DACH2: variants seen among roughly 807,000 people sequenced by gnomAD.
DACH2 encodes dachshund family transcription factor 2.
DACH2 carries 17 observed loss-of-function variants against 35.8 expected under a neutral mutation model. The ratio of observed to expected loss-of-function variants is 0.48; its 90% CI spans 0.33 to 0.71. The LOEUF (loss-of-function observed/expected upper bound fraction) is 0.71. Ranked by LOEUF, DACH2 falls within the 30% of genes least tolerant of loss-of-function variation. The pLI, the probability that DACH2 is intolerant of heterozygous loss-of-function variation, is 0.02. For missense variants in DACH2, 469 were observed against 472.7 expected, an observed-to-expected ratio of 0.99 and a Z score of 0.07; for synonymous variants, 195 against 177.3, an observed-to-expected ratio of 1.10 and a Z score of -0.79.
At chrX:86,623,953 C>CAGG (rs1323204131) in intron 3 of DACH2, among the ~76,000 whole-genome samples, 1 of 97,552 alleles carries the variant, frequency 1.0e-5, no homozygotes, top group Non-Finnish European at 2.0e-5. Flanking sequence ...GAGGCTGAGG[C>CAGG]AGGAGAATGG....
chrX:86,398,200 T>C (rs1405171285), intron 2 of DACH2, among the ~76,000 whole-genome samples: 18 of 112,261 alleles, frequency 1.6e-4, no homozygotes, highest in African/African-American at 5.2e-4. Context: ...TATTCTCTGA[T>C]GGTAGTTTGT....
At chrX:86,440,197 T>C (rs2037136964) in intron 2 of DACH2, among the ~76,000 whole-genome samples, 1 of 111,566 alleles carries the variant, frequency 9.0e-6, no homozygotes, top group Non-Finnish European at 1.9e-5. Flanking sequence ...GCTAGATCTG[T>C]CCATATCTGA....
intron 2 of DACH2, among the ~76,000 whole-genome samples, chrX:86,399,524 T>A (rs1250601352): frequency 8.9e-6 from 1 of 112,014 alleles, no homozygotes; most frequent in Admixed American, 9.5e-5. Flanking sequence ...CGGTACCAGT[T>A]GTTCCTTTCC....
chrX:86,637,211 A>T (rs916305636), intron 3 of DACH2, among the ~76,000 whole-genome samples: 35 of 45,949 alleles, frequency 7.6e-4, no homozygotes, highest in African/African-American at 2.7e-3. Flanking sequence ...AAAGCCAAAA[A>T]AAAAAAAAAA....
chrX:86,292,776 C>G (rs1425604760), intron 1 of DACH2, among the ~76,000 whole-genome samples: 1 of 111,905 alleles, frequency 8.9e-6, no homozygotes, highest in East Asian at 2.8e-4. Flanking sequence ...TTTGATTGCA[C>G]TGTAGTCTGA....
Position 86,496,989 on chromosome X carries a change from C to T in DACH2, c.528-17290C>T, listed in dbSNP as rs186683981. Among the ~76,000 whole-genome samples the T allele has an allele frequency of 7.1e-5, 8 of 112,150 alleles. No homozygotes were observed. In the East Asian group the frequency reaches 2.3e-3, roughly 32 times the overall value. ...AGGTTAATGAAATTAATCCTCATTA[C>T]AGGAATGCTCTGGACAGAGGGCAGA... On this transcript the variant is annotated intron_variant, in intron 2 of 11. Coordinates refer to ENST00000373125, the MANE Select transcript of DACH2 (RefSeq NM_053281.3).
intron 1 of DACH2, among the ~76,000 whole-genome samples, chrX:86,356,171 C>A (rs1272176957): frequency 8.9e-6 from 1 of 111,846 alleles, no homozygotes; most frequent in African/African-American, 3.3e-5. Context: ...TTAGGTTTTA[C>A]ATTTAAATAT....
chrX:86,467,078 G>A (rs2037684107), intron 2 of DACH2, among the ~76,000 whole-genome samples: 4 of 112,151 alleles, frequency 3.6e-5, no homozygotes, highest in Admixed American at 1.9e-4. Flanking sequence ...AATTTCTGCA[G>A]CTGGATTGAA....
chrX:86,432,441 T>C (rs1448700062), intron 2 of DACH2, among the ~76,000 whole-genome samples: 1 of 112,199 alleles, frequency 8.9e-6, no homozygotes, highest in Non-Finnish European at 1.9e-5. Flanking sequence ...GTTACTGCCA[T>C]TAGTAAATGC....
At chrX:86,529,304 C>A (rs749299673) in intron 3 of DACH2, among the ~76,000 whole-genome samples, 1 of 110,277 alleles carries the variant, frequency 9.1e-6, no homozygotes, top group African/African-American at 3.3e-5. Context: ...CTCAGCCTCC[C>A]AAAGTGCTGG....
chrX:86,711,770 G>A (rs960772165), intron 5 of DACH2, among the ~76,000 whole-genome samples: 14 of 112,276 alleles, frequency 1.2e-4, no homozygotes, highest in African/African-American at 4.5e-4. Flanking sequence ...GACAGCTATT[G>A]CAGGTCATGA....
At chrX:86,344,323 C>CAT (rs761609271) in intron 1 of DACH2, among the ~76,000 whole-genome samples, 1,720 of 90,030 alleles carry the variant, frequency 0.019, 11 homozygotes, top group African/African-American at 0.041. Flanking sequence ...CTTGGAAGTG[C>CAT]ATATATATAT....
intron 3 of DACH2, among the ~76,000 whole-genome samples, chrX:86,595,734 T>A (rs188011187): frequency 9.2e-6 from 1 of 108,970 alleles, no homozygotes; most frequent in Non-Finnish European, 1.9e-5. Flanking sequence ...TGAGCTATAG[T>A]TATATATATA....
chrX:86,730,981 T>C (rs1366281315), intron 6 of DACH2, among the ~76,000 whole-genome samples: 3 of 111,736 alleles, frequency 2.7e-5, no homozygotes, highest in African/African-American at 9.7e-5. Context: ...TTTCATAATG[T>C]TACAAGTCTA....
chrX:86,654,194 A>AC (rs1294363261), intron 4 of DACH2, among the ~76,000 whole-genome samples: 4 of 102,406 alleles, frequency 3.9e-5, no homozygotes, highest in African/African-American at 1.5e-4. Context: ...TAGTAAAAAA[A>AC]AAAAAAAAAA....
intron 1 of DACH2, among the ~76,000 whole-genome samples, chrX:86,208,432 G>A (rs1049486702): frequency 9.0e-6 from 1 of 111,061 alleles, no homozygotes; most frequent in African/African-American, 3.3e-5. Flanking sequence ...TTTTGTTCTT[G>A]AATTTACCTT....
At chrX:86,682,939 C>A (rs1234098389) in intron 4 of DACH2, among the ~76,000 whole-genome samples, 1 of 111,211 alleles carries the variant, frequency 9.0e-6, no homozygotes, top group Non-Finnish European at 1.9e-5. Flanking sequence ...GCTTAACAAA[C>A]ATGTTTCTTT....
chrX:86,468,976 A>G (rs745528282), intron 2 of DACH2, among the ~76,000 whole-genome samples: 1 of 111,805 alleles, frequency 8.9e-6, no homozygotes, highest in Non-Finnish European at 1.9e-5. Context: ...GGATTAATGG[A>G]TAAAGAAAAT....
Position 86,816,051 on chromosome X carries a change from A to T in DACH2, c.1702A>T (p.Ile568Phe), listed in dbSNP as rs1345940144. Residue 568 changes from isoleucine to phenylalanine, a missense_variant, in exon 11 of 12, where the codon ATT becomes TTT. Ile to Phe is a conservative substitution (Grantham distance 21). Coordinates refer to ENST00000373125, the MANE Select transcript of DACH2 (RefSeq NM_053281.3). The stretch of plus-strand genomic sequence containing the variant: ...TATTTCAGATACTGGAATTCCAGAT[A>T]TTGAAATAGAAAACAATGGGACTCC... ...RMLKDTGIPD[I>F]EIENNGTPHD... is the part of the protein sequence containing the mutation. 4.2e-6 allele frequency: 5 copies of T among 1,186,557 alleles called. No individual in the cohort carries two copies. Among genetic ancestry groups the T allele is most frequent in the Non-Finnish European group, 5.7e-6 (5 of 881,780 alleles).
Sources: allele counts gnomAD v4.1 joint callset (sites outside exome capture counted in the v4.1 genomes callset), GRCh38; gene constraint gnomAD v4.1.1; transcripts MANE v1.5; gene names NCBI Gene and HGNC (gene_info 2026-07-23, HGNC 2026-07-21).